The following RBFOX1 variants were observed in gnomAD, a reference collection of about 807,000 sequenced individuals.
The protein encoded by RBFOX1 is RNA binding fox-1 homolog 1, also known as RNA binding protein fox-1 homolog 1.
Under a neutral mutation model 57.7 loss-of-function variants are expected in RBFOX1, and 8 were observed. The observed-to-expected ratio is 0.14, with a 90% confidence interval of 0.08 to 0.25. RBFOX1 has a LOEUF of 0.25. Ranked by LOEUF, RBFOX1 falls within the 10% of genes least tolerant of loss-of-function variation. The probability of loss-of-function intolerance (pLI) is 1.00; values close to 1 mark genes in which losing one functional copy is unlikely to be tolerated. For synonymous variants in RBFOX1, 326 were observed against 222.4 expected, an observed-to-expected ratio of 1.47 and a Z score of -4.15; for missense variants, 611 against 548.5, an observed-to-expected ratio of 1.11 and a Z score of -1.14.
intron 3 of RBFOX1, among the ~76,000 whole-genome samples, chr16:5,845,812 C>G (rs1246526059): frequency 6.6e-6 from 1 of 152,152 alleles, no homozygotes; most frequent in African/African-American, 2.4e-5. Context: ...AGAGAGGTCC[C>G]TCAGACAGCA....
chr16:6,899,461 G>C (rs1376116929), intron 3 of RBFOX1, among the ~76,000 whole-genome samples: 1 of 152,138 alleles, frequency 6.6e-6, no homozygotes, highest in East Asian at 1.9e-4. Context: ...ACGGCCATTG[G>C]TTGGTCTGTC....
intron 4 of RBFOX1, among the ~76,000 whole-genome samples, chr16:7,456,697 C>G (rs2150377037): frequency 6.6e-6 from 1 of 152,228 alleles, no homozygotes; most frequent in South Asian, 2.1e-4. Context: ...GGATGTTCAC[C>G]TTCCTGAGCT....
chr16:5,954,811 T>C (rs1314777193), intron 4 of RBFOX1, among the ~76,000 whole-genome samples: 3 of 152,022 alleles, frequency 2.0e-5, no homozygotes, highest in Non-Finnish European at 4.4e-5. Context: ...CTTTACCTCT[T>C]AGCCAATATT....
In RBFOX1 at chr16:6,698,921, T is replaced by G. The variant is rs17140964; in HGVS notation, c.-16+44271T>G. 4.9e-4 allele frequency among the ~76,000 whole-genome samples: 74 copies of G among 152,314 alleles called. 1 individual carries two copies. The highest frequency in any genetic ancestry group is 1.6e-4 in the Non-Finnish European group (11 of 68,024). ...CCCCCTTATTCATAAAAGAGGCATA[T>G]TGAATGTGTCCATAGCGTACGAAGA... On this transcript the variant is annotated intron_variant, in intron 3 of 15. Transcript: ENST00000550418.
intron 5 of RBFOX1, among the ~76,000 whole-genome samples, chr16:7,546,840 C>A (rs1377672228): frequency 6.6e-6 from 1 of 152,108 alleles, no homozygotes; most frequent in Non-Finnish European, 1.5e-5. Flanking sequence ...ACAAATATCA[C>A]CTTGATGAAT....
At chr16:5,467,032 T>G (rs952065214) in intron 1 of RBFOX1, among the ~76,000 whole-genome samples, 7 of 152,334 alleles carry the variant, frequency 4.6e-5, no homozygotes, top group African/African-American at 1.4e-4. Flanking sequence ...TTGTTTGTTG[T>G]CAAAAACAGA....
At chr16:7,300,428 T>C (rs2096004777) in intron 4 of RBFOX1, among the ~76,000 whole-genome samples, 1 of 152,240 alleles carries the variant, frequency 6.6e-6, no homozygotes, top group Admixed American at 6.5e-5. Context: ...ATGCTCACTT[T>C]AATGAAGATG....
chr16:6,727,955 GGAAGA>G (rs2154170946), intron 3 of RBFOX1, among the ~76,000 whole-genome samples: 1 of 152,158 alleles, frequency 6.6e-6, no homozygotes, highest in Non-Finnish European at 1.5e-5. Flanking sequence ...AGAGATGAAG[GGAAGA>G]AAATTATTTT....
At chr16:6,931,000 C>T (rs1238503700) in intron 3 of RBFOX1, among the ~76,000 whole-genome samples, 2 of 151,774 alleles carry the variant, frequency 1.3e-5, no homozygotes, top group East Asian at 1.9e-4. Context: ...CTATCTTCTC[C>T]TTTCTGGATT....
At chr16:5,999,334 A>G (rs138722226) in intron 4 of RBFOX1, among the ~76,000 whole-genome samples, 391 of 152,318 alleles carry the variant, frequency 2.6e-3, no homozygotes, top group African/African-American at 8.6e-3. Flanking sequence ...CTCAGCTCAG[A>G]CATCACTTCC....
At chr16:6,300,250 A>C (rs2078653900) in intron 1 of RBFOX1, among the ~76,000 whole-genome samples, 1 of 152,214 alleles carries the variant, frequency 6.6e-6, no homozygotes. Flanking sequence ...AGAAGAAATA[A>C]ATTCAAGAGA....
chr16:7,577,829 A>G (rs2093452306), intron 5 of RBFOX1, among the ~76,000 whole-genome samples: 1 of 152,224 alleles, frequency 6.6e-6, no homozygotes, highest in African/African-American at 2.4e-5. Flanking sequence ...CAGGATTTCA[A>G]GGCTTCAGTG....
In RBFOX1 at chr16:7,579,878, C is replaced by T. The variant is rs1386637502; in HGVS notation, c.372C>T (p.Ile124=). ...SQPKRLHVSN[I]PFRFRDPDLR... ...CCAAGCGGCTGCATGTCTCCAATAT[C>T]CCCTTCAGGTTCCGGGATCCGGACC... is the stretch of plus-strand genomic sequence containing the variant. Residue 124 remains isoleucine (I), a synonymous_variant, in exon 6 of 16, where the codon ATC becomes ATT. Transcript: ENST00000550418. The T allele has an allele frequency of 6.2e-7, 1 of 1,614,008 alleles. No individual in the cohort carries two copies. Among genetic ancestry groups the T allele is most frequent in the African/African-American group, 1.3e-5 (1 of 74,922 alleles).
chr16:7,651,208 G>A (rs970697668), intron 11 of RBFOX1, among the ~76,000 whole-genome samples: 4 of 152,150 alleles, frequency 2.6e-5, no homozygotes, highest in African/African-American at 9.7e-5. Context: ...GACGGCTGTG[G>A]GACCTTTAAG....
At chr16:6,701,629 C>G (rs1178945394) in intron 3 of RBFOX1, among the ~76,000 whole-genome samples, 1 of 152,042 alleles carries the variant, frequency 6.6e-6, no homozygotes, top group Admixed American at 6.5e-5. Context: ...TTATAAAAAT[C>G]ACATAAAGGC....
chr16:6,761,015 A>T (rs2076526132), intron 3 of RBFOX1, among the ~76,000 whole-genome samples: 2 of 152,240 alleles, frequency 1.3e-5, no homozygotes, highest in Admixed American at 1.3e-4. Context: ...TTAATAAGAA[A>T]ATACCAAACA....
At chr16:6,603,723 C>T (rs935063925) in intron 2 of RBFOX1, among the ~76,000 whole-genome samples, 9 of 152,172 alleles carry the variant, frequency 5.9e-5, no homozygotes, top group African/African-American at 9.6e-5. Context: ...GTAAGGACAT[C>T]TGGACTGTGA....
chr16:7,559,164 T>C (rs922525149), intron 5 of RBFOX1, among the ~76,000 whole-genome samples: 1 of 152,134 alleles, frequency 6.6e-6, no homozygotes, highest in Non-Finnish European at 1.5e-5. Flanking sequence ...CAGGGCTGAA[T>C]GGAAAAGTAG....
chr16:6,249,998 G>C (rs112673041), intron 1 of RBFOX1, among the ~76,000 whole-genome samples: 5 of 152,104 alleles, frequency 3.3e-5, no homozygotes, highest in African/African-American at 1.2e-4. Flanking sequence ...TTGTAGGTGC[G>C]GTAGAAAGGC....
Sources: allele counts gnomAD v4.1 joint callset (sites outside exome capture counted in the v4.1 genomes callset), GRCh38; gene constraint gnomAD v4.1.1; transcripts MANE v1.5; gene names NCBI Gene and HGNC (gene_info 2026-07-23, HGNC 2026-07-21).